The following IAH1 variants were observed in gnomAD, a reference collection of about 807,000 sequenced individuals.
IAH1 encodes isoamyl acetate-hydrolyzing esterase 1 homolog.
IAH1 carries 24 observed loss-of-function variants against 26.7 expected under a neutral mutation model. That is an observed-to-expected ratio of 0.90 (90% CI 0.65 to 1.26). The LOEUF (loss-of-function observed/expected upper bound fraction) is 1.26. Among genes scored for constraint, IAH1 ranks in the 50% most tolerant of loss-of-function variants. IAH1 has a pLI of 0.00. For missense variants in IAH1, 300 were observed against 299.9 expected (o/e 1.00, Z 0.00); for synonymous variants, 140 against 118.5 (o/e 1.18, Z -1.18).
intron 4 of IAH1, among the ~76,000 whole-genome samples, chr2:9,482,642 C>T (rs1393205485): frequency 2.6e-5 from 4 of 152,194 alleles, no homozygotes; most frequent in Non-Finnish European, 5.9e-5. Context: ...TGTGACTTCA[C>T]AGCTCAAGTC....
intron 2 of IAH1, among the ~76,000 whole-genome samples, chr2:9,477,678 T>C (rs527333879): frequency 2.8e-4 from 42 of 150,314 alleles, no homozygotes; most frequent in East Asian, 3.9e-4. Context: ...TTTTTTTTTT[T>C]CCCCCATTAC....
downstream of IAH1, chr2:9,491,075 A>G: frequency 1.9e-6 from 3 of 1,604,698 alleles, no homozygotes; most frequent in Non-Finnish European, 2.6e-6. Context: ...GGCGAAGATT[A>G]TGTTTCTTTC....
downstream of IAH1, chr2:9,492,937 C>T (rs910439656): frequency 6.8e-6 from 11 of 1,612,926 alleles, no homozygotes; most frequent in Non-Finnish European, 9.3e-6. Flanking sequence ...TCCAAAATAT[C>T]AAGGAGAAAA....
downstream of IAH1, chr2:9,490,513 G>A (rs767287511): frequency 9.3e-6 from 15 of 1,610,336 alleles, no homozygotes; most frequent in South Asian, 1.4e-4. Context: ...TCAGCATTTC[G>A]ACGTTCTGCA....
chr2:9,505,373 GA>G, the IAH1 span: 1 of 1,611,678 alleles, frequency 6.2e-7, no homozygotes, highest in Non-Finnish European at 8.5e-7. Context: ...CATCTTGAGA[GA>G]AAAAAGGCAA....
downstream of IAH1, chr2:9,492,876 TACTTAAAAGTTGATG>T: frequency 6.3e-7 from 1 of 1,575,702 alleles, no homozygotes; most frequent in Non-Finnish European, 8.7e-7. Flanking sequence ...AACATTTAAT[TACTTAAAAGTTGATG>T]ACTTACCACA....
At chr2:9,487,549 T>C (rs941011987) in intron 5 of IAH1, 3 of 152,176 alleles carry the variant, frequency 2.0e-5, no homozygotes, top group Admixed American at 1.3e-4. Flanking sequence ...CACTTAATGG[T>C]GAGTGACTTT....
chr2:9,507,597 AAC>A, the IAH1 span, among the ~76,000 whole-genome samples: 1 of 152,214 alleles, frequency 6.6e-6, no homozygotes, highest in African/African-American at 2.4e-5. Context: ...AAACTAGAAA[AAC>A]ACAGACTAAA....
At chr2:9,490,391 A>C (rs746264614), downstream of IAH1, 4 of 1,613,938 alleles carry the variant, frequency 2.5e-6, no homozygotes, top group Middle Eastern at 1.6e-4. Flanking sequence ...CTGGTGGTCC[A>C]GTTTTGGAGC....
intron 1 of IAH1, 200 bp from the exon 2 acceptor site, chr2:9,475,786 AG>A: frequency 1.7e-6 from 1 of 606,010 alleles, no homozygotes; most frequent in Admixed American, 2.9e-5. Context: ...CAGGCTGTTT[AG>A]CTTTTGATAG....
At chr2:9,508,188 G>A in the IAH1 span, among the ~76,000 whole-genome samples, 1 of 152,128 alleles carries the variant, frequency 6.6e-6, no homozygotes, top group Non-Finnish European at 1.5e-5. Flanking sequence ...TATGCAATAT[G>A]GTAGCCACCA....
chr2:9,474,162 C>G (rs1682328301), upstream of IAH1, among the ~76,000 whole-genome samples: 1 of 151,922 alleles, frequency 6.6e-6, no homozygotes, highest in Non-Finnish European at 1.5e-5. This position sits in a 1 kb window ranked among gnomAD's most constrained non-coding sequence, Gnocchi z 4.3. Flanking sequence ...GGAGGCCGCG[C>G]GCGCATCCCA....
Position 9,475,340 on chromosome 2 carries a change from G to A in IAH1, c.82-647G>A, listed in dbSNP as rs150269440. The A allele has an allele frequency of 4.8e-5, 26 of 545,318 alleles. No homozygotes were observed. The Admixed American group carries it at 6.1e-4, about 13-fold the overall frequency. The allele number at this position is 545,318 out of a possible 1,614,324, so 33.8% of individuals were successfully genotyped here. A position where few individuals can be genotyped will look rare whatever the true frequency, so the allele number is the denominator to read the frequency against. On this transcript the variant is annotated intron_variant, in intron 1 of 5. Transcript: ENST00000497473. ...CTGGTAACATTATGTTTAGGCATAT[G>A]GGGCAGTCAGAGCTGCCGAATTCCA...
the IAH1 span, among the ~76,000 whole-genome samples, chr2:9,503,126 C>T: frequency 3.1e-5 from 4 of 128,222 alleles, no homozygotes; most frequent in South Asian, 2.4e-4. Context: ...GTCAACAGGG[C>T]GAGACTCTCT....
chr2:9,475,338 A>T (rs1682421900), intron 1 of IAH1: 1 of 564,844 alleles, frequency 1.8e-6, no homozygotes, highest in South Asian at 1.6e-5. Context: ...GTTTAGGCAT[A>T]TGGGGCAGTC....
chr2:9,485,081 G>C (rs1009876824), intron 5 of IAH1: 10 of 153,010 alleles, frequency 6.5e-5, no homozygotes, highest in African/African-American at 2.4e-4. Context: ...GTCCACTCCT[G>C]GGTTATCTGC....
At chr2:9,487,037 G>A (rs1221997363) in intron 5 of IAH1, among the ~76,000 whole-genome samples, 2 of 152,034 alleles carry the variant, frequency 1.3e-5, no homozygotes, top group Non-Finnish European at 2.9e-5. Context: ...TTCAAAACCA[G>A]CCTGGGCAAC....
chr2:9,494,805 T>C (rs766647654), exon 6 of IAH1: 1 of 1,608,888 alleles, frequency 6.2e-7, no homozygotes, highest in South Asian at 1.1e-5. Context: ...TGGATTGTTC[T>C]GAGACCTGCC....
the IAH1 span, chr2:9,507,149 C>T: frequency 6.6e-6 from 1 of 152,054 alleles, no homozygotes; most frequent in African/African-American, 2.4e-5. Context: ...TTATTTTTGT[C>T]CTGTAAGCCC....
Sources: allele counts gnomAD v4.1 joint callset (sites outside exome capture counted in the v4.1 genomes callset), GRCh38; gene constraint gnomAD v4.1.1; non-coding constraint Gnocchi (gnomAD v3.1); transcripts MANE v1.5; gene names NCBI Gene and HGNC (gene_info 2026-07-23, HGNC 2026-07-21).